BMPR1A: variants seen among roughly 807,000 people sequenced by gnomAD.
BMPR1A encodes the protein bone morphogenetic protein receptor type-1A.
A neutral mutation model predicts 66.0 loss-of-function variants in BMPR1A; 7 were observed. The ratio of observed to expected loss-of-function variants is 0.11; its 90% CI spans 0.06 to 0.20. BMPR1A has a LOEUF of 0.20. BMPR1A is among the 10% of genes least tolerant of loss of function. The pLI is 1.00. For missense variants in BMPR1A, 408 were observed against 669.1 expected, an observed-to-expected ratio of 0.61 and a Z score of 4.31; for synonymous variants, 200 against 229.7, an observed-to-expected ratio of 0.87 and a Z score of 1.17.
intron 1 of BMPR1A, among the ~76,000 whole-genome samples, chr10:86,766,662 C>T (rs905129791): frequency 1.0e-4 from 15 of 143,130 alleles, no homozygotes; most frequent in Admixed American, 4.9e-4. Flanking sequence ...TTCACCCAGG[C>T]GGGAGTGCAG....
At chr10:86,826,148 A>G (rs1468210993) in intron 1 of BMPR1A, among the ~76,000 whole-genome samples, 1 of 152,114 alleles carries the variant, frequency 6.6e-6, no homozygotes, top group Admixed American at 6.6e-5. Flanking sequence ...AAACATCTTG[A>G]CATTTAACTT....
At chr10:86,820,687 C>T (rs569643769) in intron 1 of BMPR1A, among the ~76,000 whole-genome samples, 1 of 152,194 alleles carries the variant, frequency 6.6e-6, no homozygotes, top group African/African-American at 2.4e-5. Flanking sequence ...CTTGCCCTCC[C>T]CCCGGACTTC....
intron 1 of BMPR1A, among the ~76,000 whole-genome samples, chr10:86,779,063 C>A (rs1841398077): frequency 6.6e-6 from 1 of 151,872 alleles, no homozygotes; most frequent in East Asian, 1.9e-4. Context: ...TCACCATACT[C>A]AGCCCAGATT....
intron 1 of BMPR1A, among the ~76,000 whole-genome samples, chr10:86,790,073 G>T (rs866309001): frequency 4.3e-5 from 6 of 140,534 alleles, no homozygotes; most frequent in Admixed American, 3.0e-4. Context: ...GGAGAATGGC[G>T]TGAACCCAGG....
intron 1 of BMPR1A, among the ~76,000 whole-genome samples, chr10:86,814,709 C>A (rs953455744): frequency 6.6e-6 from 1 of 151,514 alleles, no homozygotes; most frequent in East Asian, 1.9e-4. Context: ...GTGTTTCTGG[C>A]CTTCTAGCAT....
intron 11 of BMPR1A, among the ~76,000 whole-genome samples, chr10:86,922,050 C>A (rs140778651): frequency 2.0e-5 from 3 of 152,296 alleles, no homozygotes; most frequent in Admixed American, 6.5e-5. Context: ...ACATCCCCCC[C>A]CATCTGCTGC....
At chr10:86,902,928 A>G (rs1015776007) in intron 7 of BMPR1A, among the ~76,000 whole-genome samples, 8 of 152,116 alleles carry the variant, frequency 5.3e-5, no homozygotes, top group Non-Finnish European at 7.4e-5. Flanking sequence ...GAGAGTTGAA[A>G]ACCCCATAAT....
At chr10:86,864,003 A>G (rs1842747339) in intron 2 of BMPR1A, among the ~76,000 whole-genome samples, 1 of 152,232 alleles carries the variant, frequency 6.6e-6, no homozygotes, top group African/African-American at 2.4e-5. Flanking sequence ...TTTGATCAAG[A>G]TAATTTTTCT....
intron 1 of BMPR1A, among the ~76,000 whole-genome samples, chr10:86,799,505 CCTTTCTTTTCTTTT>C (rs1841779187): frequency 1.7e-5 from 1 of 58,166 alleles, no homozygotes; most frequent in Non-Finnish European, 3.5e-5. Context: ...TTCCTTCCTT[CCTTTCTTTTCTTTT>C]CTTTTCTTTT....
intron 7 of BMPR1A, among the ~76,000 whole-genome samples, chr10:86,906,448 G>A (rs1241597724): frequency 4.9e-5 from 2 of 40,774 alleles, no homozygotes; most frequent in Non-Finnish European, 7.5e-5. Flanking sequence ...GGCTGGGCGC[G>A]GTGGCTCACG....
At chr10:86,852,767 G>A (rs1222036255) in intron 2 of BMPR1A, among the ~76,000 whole-genome samples, 1 of 152,094 alleles carries the variant, frequency 6.6e-6, no homozygotes, top group Non-Finnish European at 1.5e-5. Flanking sequence ...TCCAAGCACC[G>A]TTCCATGTTC....
chr10:86,891,349 A>G (rs1440683414), intron 4 of BMPR1A, among the ~76,000 whole-genome samples: 1 of 152,210 alleles, frequency 6.6e-6, no homozygotes, highest in Non-Finnish European at 1.5e-5. Context: ...GTAAAACTGA[A>G]TCATCCATTT....
intron 3 of BMPR1A, among the ~76,000 whole-genome samples, chr10:86,885,887 A>T (rs1476052427): frequency 6.6e-6 from 1 of 152,252 alleles, no homozygotes; most frequent in Non-Finnish European, 1.5e-5. Flanking sequence ...TTACTTAGCC[A>T]GGAATAAAAA....
intron 2 of BMPR1A, among the ~76,000 whole-genome samples, chr10:86,870,388 C>T (rs1842840541): frequency 6.6e-6 from 1 of 152,140 alleles, no homozygotes; most frequent in South Asian, 2.1e-4. Context: ...CTTTCCCTTA[C>T]CCTACATTTA....
intron 1 of BMPR1A, among the ~76,000 whole-genome samples, chr10:86,774,448 T>C (rs968401573): frequency 6.9e-6 from 1 of 145,422 alleles, no homozygotes; most frequent in African/African-American, 2.5e-5. Context: ...GTAAAGAAAT[T>C]AAAAAAAAAA....
rs76249835 is a variant in BMPR1A, at chr10:86,786,935, G to A, written c.-268+30016G>A. ...ACAGATTATTTTTGGTCTAAAGCAT[G>A]AGATAGGGCTTTTTATTTATTTTTA... On this transcript the variant is annotated intron_variant, in intron 1 of 12. Transcript: ENST00000372037. 1.5e-3 allele frequency among the ~76,000 whole-genome samples: 225 copies of A among 152,322 alleles called. 1 individual carries two copies. The highest frequency in any genetic ancestry group is 7.3e-3 in the East Asian group (38 of 5,188).
intron 5 of BMPR1A, among the ~76,000 whole-genome samples, chr10:86,898,480 T>A (rs1843261281): frequency 6.6e-6 from 1 of 152,170 alleles, no homozygotes; most frequent in Admixed American, 6.6e-5. Flanking sequence ...TCGTAAGATC[T>A]CTTCGTACAT....
intron 1 of BMPR1A, among the ~76,000 whole-genome samples, chr10:86,764,598 A>G (rs1314565775): frequency 1.3e-5 from 2 of 152,202 alleles, no homozygotes; most frequent in African/African-American, 4.8e-5. Context: ...TTACAATAGA[A>G]AATCCAGAAT....
chr10:86,795,522 A>G (rs764182673), intron 1 of BMPR1A, among the ~76,000 whole-genome samples: 6 of 152,118 alleles, frequency 3.9e-5, no homozygotes, highest in Non-Finnish European at 8.8e-5. Flanking sequence ...GTTGCTGTGA[A>G]GGAGAGAAGG....
Sources: allele counts gnomAD v4.1 joint callset (sites outside exome capture counted in the v4.1 genomes callset), GRCh38; gene constraint gnomAD v4.1.1; transcripts MANE v1.5; gene names NCBI Gene and HGNC (gene_info 2026-07-23, HGNC 2026-07-21).